The following NCOR2 variants were observed in gnomAD, a reference collection of about 807,000 sequenced individuals.
NCOR2 encodes nuclear receptor corepressor 2.
NCOR2 carries 81 observed loss-of-function variants against 262.9 expected under a neutral mutation model. The ratio of observed to expected loss-of-function variants is 0.31; its 90% confidence interval spans 0.26 to 0.37. The LOEUF (loss-of-function observed/expected upper bound fraction) is 0.37, where lower values mean the gene tolerates loss of function less well. Among genes scored for constraint, NCOR2 ranks in the 10% least tolerant of loss-of-function variants. The probability of loss-of-function intolerance (pLI) is 1.00; values close to 1 mark genes in which losing one functional copy is unlikely to be tolerated. For synonymous variants in NCOR2, 1,659 were observed against 1,559.3 expected, an observed-to-expected ratio of 1.06 and a Z score of -1.51; for missense variants, 3,385 against 3,621.4, an observed-to-expected ratio of 0.93 and a Z score of 1.68.
chr12:124,500,877 C>G (rs1257918723), intron 1 of NCOR2, among the ~76,000 whole-genome samples: 5 of 152,088 alleles, frequency 3.3e-5, no homozygotes, highest in African/African-American at 1.2e-4. Context: ...GTGCCCGGAG[C>G]GCTCAGCCGC....
chr12:124,408,363 T>A (rs1448319188), intron 13 of NCOR2, among the ~76,000 whole-genome samples: 3 of 147,414 alleles, frequency 2.0e-5, no homozygotes, highest in Non-Finnish European at 3.0e-5. Context: ...CAAACAAAAA[T>A]AAATAAAAAA....
chr12:124,488,658 A>T (rs1172451072), intron 1 of NCOR2, among the ~76,000 whole-genome samples: 1 of 152,228 alleles, frequency 6.6e-6, no homozygotes, highest in Non-Finnish European at 1.5e-5. Context: ...CACTGGGCTG[A>T]CAATGACGCA....
rs2047454494 is a variant in NCOR2, at chr12:124,481,150, AGAGG to A, written c.411+2442_411+2445del. On this transcript the variant is annotated intron_variant, in intron 3 of 46. Coordinates refer to ENST00000405201, the Ensembl canonical transcript of NCOR2. The surrounding 1 kb of genome is among the most constrained non-coding windows in gnomAD (Gnocchi z 4.6). ...GGGGGCTGTTTGGGTGGAAAGAAAG[AGAGG>A]GAGGAAGAAGGAGGGAGGAAGGTGT... is the stretch of plus-strand genomic sequence containing the variant. Among the ~76,000 whole-genome samples the A allele has an allele frequency of 6.7e-6, 1 of 150,066 alleles. No homozygotes were observed. Among genetic ancestry groups the A allele is most frequent in the African/African-American group, 2.5e-5 (1 of 40,488 alleles).
At chr12:124,426,944 G>A in intron 10 of NCOR2, 144 bp from the exon 13 acceptor site, 1 of 704,538 alleles carries the variant, frequency 1.4e-6, no homozygotes, top group Non-Finnish European at 2.2e-6. Flanking sequence ...AGAATGATGA[G>A]TTTAAAAATA....
At chr12:124,371,207 G>A (rs1270804646) in intron 20 of NCOR2, among the ~76,000 whole-genome samples, 3 of 131,044 alleles carry the variant, frequency 2.3e-5, no homozygotes, top group Non-Finnish European at 4.8e-5. Flanking sequence ...ACCCCCGTGA[G>A]AGCTGCCCCC....
At chr12:124,562,010 T>TAC (rs1217817932) in intron 1 of NCOR2, 2 of 152,162 alleles carry the variant, frequency 1.3e-5, no homozygotes, top group Non-Finnish European at 2.9e-5. Flanking sequence ...AGCAAGACCC[T>TAC]ACCTCAGAAA....
At chr12:124,466,144 G>C (rs778790080) in intron 5 of NCOR2, 29 bp downstream of exon 7, 23 of 1,579,332 alleles carry the variant, frequency 1.5e-5, no homozygotes, top group Non-Finnish European at 1.9e-5. Flanking sequence ...CAGCACCGGG[G>C]GGCAGCAGGC....
chr12:124,535,660 T>C (rs1475012435), upstream of NCOR2: 2 of 152,210 alleles, frequency 1.3e-5, no homozygotes, highest in African/African-American at 4.8e-5. Context: ...TGTATGCAGT[T>C]TGGCATGACG....
intron 7 of NCOR2, among the ~76,000 whole-genome samples, chr12:124,442,207 G>T (rs1436290457): frequency 6.6e-6 from 1 of 152,124 alleles, no homozygotes; most frequent in Non-Finnish European, 1.5e-5. Flanking sequence ...GCAGTGGCTC[G>T]ATCATGGCTC....
chr12:124,494,259 C>T (rs932434370), intron 1 of NCOR2, among the ~76,000 whole-genome samples: 15 of 152,092 alleles, frequency 9.9e-5, no homozygotes, highest in Non-Finnish European at 1.6e-4. Context: ...CCACGGTGGC[C>T]GGCAGGGTCA....
At chr12:124,445,892 T>C (rs1182579803) in intron 7 of NCOR2, among the ~76,000 whole-genome samples, 1 of 152,242 alleles carries the variant, frequency 6.6e-6, no homozygotes, top group Non-Finnish European at 1.5e-5. Flanking sequence ...CTGTACGTGC[T>C]GAGCACTGAC....
chr12:124,419,832 T>C, intron 13 of NCOR2, 125 bp downstream of exon 15: 1 of 850,606 alleles, frequency 1.2e-6, no homozygotes, highest in South Asian at 1.5e-5. Context: ...ACACTGCCGG[T>C]GGCCAAGCAA....
intron 13 of NCOR2, among the ~76,000 whole-genome samples, chr12:124,414,797 G>A (rs967720726): frequency 3.3e-5 from 5 of 152,174 alleles, no homozygotes; most frequent in African/African-American, 1.2e-4. Flanking sequence ...CCTGGGGAGG[G>A]GGCCCATGTC....
At chr12:124,385,700 C>G in intron 17 of NCOR2, 45 bp downstream of exon 19, 2 of 1,604,622 alleles carry the variant, frequency 1.2e-6, no homozygotes, top group South Asian at 1.1e-5. Flanking sequence ...CTGGGCTCCT[C>G]TCCCAGCTTC....
chr12:124,547,599 C>A (rs536228729), intron 1 of NCOR2, among the ~76,000 whole-genome samples: 16 of 152,350 alleles, frequency 1.1e-4, no homozygotes, highest in African/African-American at 3.6e-4. Flanking sequence ...ACCATCACCT[C>A]TATCTAATTC....
chr12:124,535,526 C>A (rs1218780465), intron 1 of NCOR2, 39 bp downstream of exon 2: 13 of 152,268 alleles, frequency 8.5e-5, no homozygotes. Flanking sequence ...GCAGGATGAA[C>A]CTCCTGGGGA....
intron 10 of NCOR2, among the ~76,000 whole-genome samples, chr12:124,427,618 G>A (rs895305288): frequency 3.3e-5 from 5 of 152,182 alleles, no homozygotes; most frequent in Admixed American, 1.3e-4. Context: ...GGTCGGGTGC[G>A]GGGCACAGCT....
At chr12:124,438,887 C>T (rs2044588151) in intron 7 of NCOR2, among the ~76,000 whole-genome samples, 1 of 122,448 alleles carries the variant, frequency 8.2e-6, no homozygotes, top group Non-Finnish European at 1.7e-5. Context: ...AGACAGAGAC[C>T]CAGAGAGAGG....
At chr12:124,417,042 T>TGAGAGCAAGCCGGACACTCACTCCACG (rs2042916334) in intron 13 of NCOR2, among the ~76,000 whole-genome samples, 1 of 68,722 alleles carries the variant, frequency 1.5e-5, no homozygotes, top group Non-Finnish European at 3.8e-5. Flanking sequence ...CACTCACTCC[T>TGAGAGCAAGCCGGACACTCACTCCACG]GAGAGCAAGC....
Sources: gnomAD v4.1 joint callset for allele counts (sites outside exome capture counted in the v4.1 genomes callset) on GRCh38, gnomAD v4.1.1 for gene constraint, Gnocchi (gnomAD v3.1) non-coding constraint, MANE v1.5 for transcripts, NCBI Gene and HGNC (gene_info 2026-07-23, HGNC 2026-07-21) for gene names.